Variants in ARHGEF11 observed in about 807,000 individuals in gnomAD.
ARHGEF11 encodes Rho guanine nucleotide exchange factor 11.
In ARHGEF11, 55 loss-of-function variants were observed where a neutral mutation model predicts 193.7. That is an observed-to-expected ratio of 0.28 (90% CI 0.23 to 0.36). The LOEUF is 0.36. Ranked by LOEUF, ARHGEF11 falls within the 10% of genes least tolerant of loss-of-function variation. The probability of loss-of-function intolerance (pLI) is 1.00; values close to 1 mark genes in which losing one functional copy is unlikely to be tolerated. For missense variants in ARHGEF11, 1,723 were observed against 2,005.6 expected, an observed-to-expected ratio of 0.86 and a Z score of 2.69; for synonymous variants, 693 against 768.0, an observed-to-expected ratio of 0.90 and a Z score of 1.62.
intron 1 of ARHGEF11, among the ~76,000 whole-genome samples, chr1:156,987,564 T>TG (rs887192519): frequency 6.6e-5 from 10 of 152,336 alleles, no homozygotes; most frequent in African/African-American, 2.4e-4. Flanking sequence ...GGAGGGAAAC[T>TG]GGGTGGCTGG....
intron 22 of ARHGEF11, chr1:156,949,029 G>A: frequency 1.0e-6 from 1 of 985,428 alleles, no homozygotes; most frequent in Non-Finnish European, 1.2e-6. Context: ...CTCATTTTAG[G>A]ATTTTCCACA....
Position 156,946,937 on chromosome 1 carries a change from C to A in ARHGEF11, c.2567G>T (p.Arg856Leu). The change falls in exon 27 of 41, where the codon CGG becomes CTG. Residue 856 changes from arginine to leucine, a missense_variant and splice_region_variant. By Grantham distance (102) the Arg-to-Leu change is moderately radical. This residue lies in a region of ARHGEF11 where 491 missense variants were observed against 654.5 expected (regional missense o/e 0.75). Transcript: ENST00000368194. The stretch of plus-strand genomic sequence containing the variant: ...AGAGGGAGAAGTTTGGAGCCATACC[C>A]GGGCCAGCATGAGGTCACTGATCTC... ...IKEISDLMLA[R>L]FDGPAREELQ... is the part of the protein sequence containing the mutation. The A allele has an allele frequency of 6.2e-7, 1 of 1,614,010 alleles. No individual in the cohort carries two copies. Among genetic ancestry groups the A allele is most frequent in the Non-Finnish European group, 8.5e-7 (1 of 1,180,036 alleles).
chr1:157,027,179 T>G (rs913235545), intron 1 of ARHGEF11, among the ~76,000 whole-genome samples: 1 of 152,054 alleles, frequency 6.6e-6, no homozygotes, highest in African/African-American at 2.4e-5. Context: ...TAGGATCACT[T>G]GAGACCAGCC....
At position 156,949,796 on chromosome 1, in the gene ARHGEF11, G is replaced by A. The variant is rs1408247112; in HGVS notation, c.1926-1298C>T. On this transcript the variant is annotated intron_variant, in intron 22 of 40. Coordinates refer to ENST00000368194, the MANE Select transcript of ARHGEF11 (RefSeq NM_198236.3). ...TAAGTAATGCTCCTCACCAAGAAGT[G>A]AGGCATATCATCTGTCTTTGCCCCC... 2.6e-5 allele frequency among the ~76,000 whole-genome samples: 4 copies of A among 152,144 alleles called. No homozygotes were observed. In the East Asian group the frequency reaches 7.7e-4, roughly 29 times the overall value.
intron 1 of ARHGEF11, among the ~76,000 whole-genome samples, chr1:157,004,289 G>C (rs185913486): frequency 4.6e-5 from 7 of 152,280 alleles, no homozygotes; most frequent in African/African-American, 1.4e-4. Context: ...CGCTCCTTTT[G>C]AGCTTTAAGG....
intron 28 of ARHGEF11, 110 bp downstream of exon 28, chr1:156,946,552 G>T: frequency 6.8e-7 from 1 of 1,466,870 alleles, no homozygotes; most frequent in Non-Finnish European, 9.4e-7. Flanking sequence ...TCGAAGGGTA[G>T]AGGGAGTTGC....
chr1:156,993,946 C>T (rs549861738), intron 1 of ARHGEF11, among the ~76,000 whole-genome samples: 7 of 152,248 alleles, frequency 4.6e-5, no homozygotes, highest in South Asian at 2.1e-4. Context: ...CAGCAGCATA[C>T]GAATCACTTG....
At chr1:156,936,723 A>G in intron 40 of ARHGEF11, 93 bp downstream of exon 40, 1 of 1,398,798 alleles carries the variant, frequency 7.1e-7, no homozygotes, top group Non-Finnish European at 9.7e-7. Flanking sequence ...CACTCTCAGA[A>G]CCACCATCTC....
At chr1:157,009,838 C>T (rs1162139629) in intron 1 of ARHGEF11, among the ~76,000 whole-genome samples, 1 of 152,190 alleles carries the variant, frequency 6.6e-6, no homozygotes, top group Non-Finnish European at 1.5e-5. Context: ...TGTAAAAAGG[C>T]TCTCATTCTC....
rs758520568 is a variant in ARHGEF11 at position 156,969,283 on chromosome 1, T to C, written c.824A>G (p.Glu275Gly). ...SGTERFPSLS[E>G]SLMNRNSVLS... is the part of the protein sequence containing the mutation. ...GGGCCTTGCCCTGCTGGGACTCACC[T>C]CACTGAGGGAAGGAAAGCGTTCTGT... The change falls in exon 10 of 41, where the codon GAG (glutamate) becomes GGG (glycine). Residue 275 changes from glutamate (E) to glycine (G), a missense_variant and splice_region_variant. By Grantham distance (98) the Glu-to-Gly change is moderately conservative. Around this residue, in one of 5 missense-constraint regions of ARHGEF11, gnomAD observed 646 missense variants for 710.7 expected, o/e 0.91. Coordinates refer to ENST00000368194, the MANE Select transcript of ARHGEF11 (RefSeq NM_198236.3). 1.3e-6 allele frequency: 2 copies of C among 1,596,076 alleles called. No individual in the cohort carries two copies. The highest frequency in any genetic ancestry group is 8.5e-7 in the Non-Finnish European group (1 of 1,170,752).
Position 157,044,349 on chromosome 1 carries a change from CG to C in ARHGEF11, c.-20del, listed in dbSNP as rs1673121220. On this transcript the variant is annotated 5_prime_UTR_variant, in exon 1 of 41. Coordinates refer to ENST00000368194, the MANE Select transcript of ARHGEF11 (RefSeq NM_198236.3). Reference sequence around the variant, plus strand: ...CACTCATGGTTTCTCGGTGTCTCCACGGTTCCAGAATCCTGTAGCTTTGGTG... The same window carrying C: ...CACTCATGGTTTCTCGGTGTCTCCACGTTCCAGAATCCTGTAGCTTTGGTG... The C allele has an allele frequency of 6.2e-7, 1 of 1,612,926 alleles. No individual in the cohort carries two copies. The highest frequency in any genetic ancestry group is 1.7e-5 in the Admixed American group (1 of 59,940).
In ARHGEF11 at chr1:156,960,399, G is replaced by A; in HGVS notation, c.1282+19C>T. ...GAAAGCTACCAAGAAGAGACTTACCGACCAATGAGCCAACTTACCAATTTC... is the reference window on the plus strand; with the variant it reads ...GAAAGCTACCAAGAAGAGACTTACCAACCAATGAGCCAACTTACCAATTTC... On this transcript the variant is annotated intron_variant, in intron 15 of 40. Coordinates refer to ENST00000368194, the MANE Select transcript of ARHGEF11 (RefSeq NM_198236.3). 1 of 1,613,700 alleles carries A rather than the reference G, an allele frequency of 6.2e-7. No individual in the cohort carries two copies. The highest frequency in any genetic ancestry group is 1.3e-5 in the African/African-American group (1 of 75,006).
At chr1:157,008,549 T>C (rs2102759843) in intron 1 of ARHGEF11, among the ~76,000 whole-genome samples, 1 of 152,244 alleles carries the variant, frequency 6.6e-6, no homozygotes, top group South Asian at 2.1e-4. Flanking sequence ...CTCCAGAAAC[T>C]ACCAGAAATA....
At chr1:156,944,555 T>C in intron 30 of ARHGEF11, 122 bp from the exon 31 acceptor site, 1 of 1,031,278 alleles carries the variant, frequency 9.7e-7, no homozygotes. Context: ...AAAAAGTCCT[T>C]GCCCTTACTC....
intron 1 of ARHGEF11, among the ~76,000 whole-genome samples, chr1:156,986,797 C>T (rs778532796): frequency 4.6e-5 from 7 of 152,092 alleles, no homozygotes; most frequent in Non-Finnish European, 8.8e-5. Context: ...AGTATAAGCC[C>T]GCTGGGTAAC....
Position 156,944,065 on chromosome 1 carries a change from C to T in ARHGEF11, c.3105G>A (p.Leu1035=), listed in dbSNP as rs568920860. The change falls in exon 32 of 41, where the codon CTG becomes CTA. Residue 1035 remains leucine (L), a synonymous_variant. Coordinates refer to ENST00000368194, the MANE Select transcript of ARHGEF11 (RefSeq NM_198236.3). Reference sequence around the variant, plus strand: ...ATAGCTTCTCATCCTGTTTCTGTAGCAGCACTAGGAGGTCCTCCAGCAGCA... The same window carrying T: ...ATAGCTTCTCATCCTGTTTCTGTAGTAGCACTAGGAGGTCCTCCAGCAGCA... ...HVLLLEDLLV[L]LQKQDEKLLL... is the part of the protein sequence containing the mutation. 1 of 1,614,112 alleles carries T rather than the reference C, an allele frequency of 6.2e-7. No individual in the cohort carries two copies. Among genetic ancestry groups the T allele is most frequent in the Non-Finnish European group, 8.5e-7 (1 of 1,180,002 alleles).
At chr1:156,993,425 T>C (rs1167282037) in intron 1 of ARHGEF11, among the ~76,000 whole-genome samples, 1 of 152,112 alleles carries the variant, frequency 6.6e-6, no homozygotes, top group African/African-American at 2.4e-5. Context: ...TATAAATACA[T>C]AATACACATA....
Position 156,947,356 on chromosome 1 carries a change from C to T in ARHGEF11, c.2436G>A (p.Arg812=), listed in dbSNP as rs1192614618. 1.2e-6 allele frequency: 2 copies of T among 1,613,850 alleles called. No homozygotes were observed. Among genetic ancestry groups the T allele is most frequent in the Non-Finnish European group, 1.7e-6 (2 of 1,179,966 alleles). ...TCGGGAAGAGCCGGGCCAGCTCCTC[C>T]CGGGGCATCAGGTTCTCCTTCTTCA... ...QRMKKENLMP[R]EELARLFPNL... is the part of the protein sequence containing the mutation. The change falls in exon 26 of 41, where the codon CGG becomes CGA. Residue 812 remains arginine, a synonymous_variant. Transcript: ENST00000368194.
At chr1:157,016,162 T>C (rs1430991930) in intron 1 of ARHGEF11, among the ~76,000 whole-genome samples, 5 of 152,278 alleles carry the variant, frequency 3.3e-5, no homozygotes, top group South Asian at 4.1e-4. Context: ...ATAGCACCCA[T>C]TACAGGCCTG....
Sources: gnomAD v4.1 joint callset for allele counts (sites outside exome capture counted in the v4.1 genomes callset) on GRCh38, gnomAD v4.1.1 for gene constraint, gnomAD v4.1.1 regional missense constraint, MANE v1.5 for transcripts, NCBI Gene and HGNC (gene_info 2026-07-23, HGNC 2026-07-21) for gene names.